ACTR3C: variants seen among roughly 807,000 people sequenced by gnomAD.
ACTR3C encodes the protein actin-related protein 3C.
In ACTR3C, 18 loss-of-function variants were observed where a neutral mutation model predicts 26.3. The observed-to-expected ratio is 0.68, with a 90% CI of 0.47 to 1.01. The LOEUF (loss-of-function observed/expected upper bound fraction) is 1.01. ACTR3C is among the 50% of genes least tolerant of loss of function. The probability of loss-of-function intolerance (pLI) is 0.00; values close to 1 mark genes in which losing one functional copy is unlikely to be tolerated. For missense variants in ACTR3C, 184 were observed against 250.7 expected (o/e 0.73, Z 1.80); for synonymous variants, 55 against 94.5 (o/e 0.58, Z 2.42).
intron 1 of ACTR3C, among the ~76,000 whole-genome samples, chr7:150,297,528 G>C (rs578041886): frequency 1.3e-5 from 2 of 152,284 alleles, no homozygotes; most frequent in Non-Finnish European, 2.9e-5. Context: ...CTTACAGTGA[G>C]CAATGAAGCC....
the ACTR3C span, among the ~76,000 whole-genome samples, chr7:150,175,335 GAT>G: frequency 7.0e-6 from 1 of 142,470 alleles, no homozygotes; most frequent in African/African-American, 3.0e-5. Context: ...TCAGACTGGA[GAT>G]ACACATGTTC....
At chr7:149,920,163 A>G in the ACTR3C span, among the ~76,000 whole-genome samples, 1,668 of 151,970 alleles carry the variant, frequency 0.011, no homozygotes, top group African/African-American at 0.039. Flanking sequence ...TGGCTGGGTT[A>G]TATCTGCAAG....
chr7:150,124,688 T>G, the ACTR3C span, among the ~76,000 whole-genome samples: 5 of 152,292 alleles, frequency 3.3e-5, no homozygotes, highest in African/African-American at 1.2e-4. Flanking sequence ...TACTCAGGTT[T>G]GCAGTTCACC....
the ACTR3C span, among the ~76,000 whole-genome samples, chr7:150,163,062 G>A: frequency 6.6e-6 from 1 of 151,972 alleles, no homozygotes; most frequent in South Asian, 2.1e-4. Flanking sequence ...GCTGAGGCAG[G>A]AGAATTTCTT....
At position 150,256,235 on chromosome 7, in the gene ACTR3C, T is replaced by C. The variant is rs116013871; in HGVS notation, c.565-7181A>G. ...TGTGAATAGTTCTGCAATGAACATA[T>C]AGGTACCTGTGTCTTCCTGGTAGAA... On this transcript the variant is annotated intron_variant, in intron 6 of 7. Coordinates refer to ENST00000683684, the MANE Select transcript of ACTR3C (RefSeq NM_001164458.2). Among the ~76,000 whole-genome samples the C allele has an allele frequency of 3.2e-3, 485 of 152,350 alleles. 3 individuals are homozygous for C. The highest frequency in any genetic ancestry group is 0.011 in the African/African-American group (458 of 41,570).
At chr7:150,238,213 A>G in the ACTR3C span, among the ~76,000 whole-genome samples, 1 of 141,966 alleles carries the variant, frequency 7.0e-6, no homozygotes, top group Non-Finnish European at 1.5e-5. Flanking sequence ...CTCATGTTTC[A>G]TATAAAGAAT....
At chr7:150,260,027 C>T (rs1484579012) in intron 6 of ACTR3C, among the ~76,000 whole-genome samples, 21 of 152,288 alleles carry the variant, frequency 1.4e-4, no homozygotes, top group East Asian at 1.2e-3. Context: ...AACTACAGGC[C>T]GTGGGCTAAA....
the ACTR3C span, among the ~76,000 whole-genome samples, chr7:149,907,483 T>TTCTCTCTC: frequency 4.6e-5 from 2 of 43,854 alleles, no homozygotes; most frequent in Non-Finnish European, 5.6e-5. Context: ...TTCTCTTCTC[T>TTCTCTCTC]CTCTCTCTCT....
chr7:150,170,143 C>G, the ACTR3C span, among the ~76,000 whole-genome samples: 1,030 of 149,750 alleles, frequency 6.9e-3, 11 homozygotes, highest in Non-Finnish European at 0.011. Context: ...TTTCAAGTTC[C>G]CTCATGTGAC....
the ACTR3C span, among the ~76,000 whole-genome samples, chr7:149,946,623 C>A: frequency 1.3e-5 from 2 of 152,108 alleles, no homozygotes; most frequent in African/African-American, 4.8e-5. Flanking sequence ...AAGTGGGGGG[C>A]CTTGCCAAAT....
chr7:150,073,350 A>G, the ACTR3C span, among the ~76,000 whole-genome samples: 1 of 68,150 alleles, frequency 1.5e-5, no homozygotes, highest in Non-Finnish European at 3.3e-5. Context: ...AGTTAACATG[A>G]CAAAAAAAAT....
chr7:149,907,467 CCTCTCTTCTCTTCTCT>C, the ACTR3C span, among the ~76,000 whole-genome samples: 1 of 52,634 alleles, frequency 1.9e-5, no homozygotes, highest in African/African-American at 7.8e-5. Context: ...GCCTCTCTTG[CCTCTCTTCTCTTCTCT>C]CTCTCTCTCT....
At chr7:150,146,789 T>C in the ACTR3C span, among the ~76,000 whole-genome samples, 2 of 152,356 alleles carry the variant, frequency 1.3e-5, no homozygotes, top group South Asian at 4.1e-4. Context: ...GGGTTCTTGA[T>C]TCAGCATTCT....
rs140486208 is a variant in ACTR3C, at chr7:150,308,636, A to G, written c.-51-13289T>C. Among the ~76,000 whole-genome samples the G allele has an allele frequency of 6.8e-3, 1,014 of 149,880 alleles. 17 individuals are homozygous for G. Among genetic ancestry groups the G allele is most frequent in the African/African-American group, 0.023 (930 of 40,642 alleles). ...TCCTCCTTTTCTGCAGACCCCTCTGACCTCTCTCCCCCTCCCCAGGCCACT... is the reference window on the plus strand; with the variant it reads ...TCCTCCTTTTCTGCAGACCCCTCTGGCCTCTCTCCCCCTCCCCAGGCCACT... On this transcript the variant is annotated intron_variant, in intron 1 of 7. Transcript: ENST00000683684.
chr7:150,093,221 G>A, the ACTR3C span, among the ~76,000 whole-genome samples: 1 of 151,068 alleles, frequency 6.6e-6, no homozygotes, highest in Non-Finnish European at 1.5e-5. Flanking sequence ...TTTAAAAAAT[G>A]TAGATACCTG....
the ACTR3C span, among the ~76,000 whole-genome samples, chr7:150,228,886 G>A: frequency 7.3e-6 from 1 of 137,182 alleles, no homozygotes; most frequent in Non-Finnish European, 1.5e-5. Flanking sequence ...ATATATATTT[G>A]TATATATATA....
At chr7:150,224,122 T>C in the ACTR3C span, among the ~76,000 whole-genome samples, 1 of 152,184 alleles carries the variant, frequency 6.6e-6, no homozygotes, top group African/African-American at 2.4e-5. Context: ...ATCTTGGAAG[T>C]GACAGTTCAC....
chr7:150,290,619 C>T (rs1419085281), intron 3 of ACTR3C, among the ~76,000 whole-genome samples: 1 of 152,218 alleles, frequency 6.6e-6, no homozygotes, highest in Admixed American at 6.5e-5. Flanking sequence ...TGCATCTAGT[C>T]ACCAGTAAAG....
chr7:150,291,315 G>C lies in ACTR3C; in HGVS notation c.154-1722C>G, dbSNP rs368373230. Among the ~76,000 whole-genome samples the C allele has an allele frequency of 9.1e-4, 139 of 152,282 alleles. 1 individual carries two copies. Among genetic ancestry groups the C allele is most frequent in the Middle Eastern group, 3.4e-3 (1 of 294 alleles). ...ATGGTGGCGCATGCCTGTAATCCCA[G>C]CTACTCAGGAGGCTGAGGCAGGAGA... On this transcript the variant is annotated intron_variant, in intron 3 of 7. Transcript: ENST00000683684.
Sources: gnomAD v4.1 joint callset for allele counts (sites outside exome capture counted in the v4.1 genomes callset) on GRCh38, gnomAD v4.1.1 for gene constraint, MANE v1.5 for transcripts, NCBI Gene and HGNC (gene_info 2026-07-23, HGNC 2026-07-21) for gene names.